The following NOL12 variants were observed in gnomAD, a reference collection of about 807,000 sequenced individuals.
NOL12 encodes the protein nucleolar protein 12.
A neutral mutation model predicts 25.2 loss-of-function variants in NOL12; 21 were observed. The ratio of observed to expected loss-of-function variants is 0.83; its 90% CI spans 0.59 to 1.20. NOL12 has a LOEUF of 1.20. Ranked by LOEUF, NOL12 falls within the 50% of genes most tolerant of loss-of-function variation. The pLI, the probability that NOL12 is intolerant of heterozygous loss-of-function variation, is 0.00. For missense variants in NOL12, 286 were observed against 287.6 expected, an observed-to-expected ratio of 0.99 and a Z score of 0.04; for synonymous variants, 133 against 113.8, an observed-to-expected ratio of 1.17 and a Z score of -1.08.
Position 37,686,496 on chromosome 22 carries a change from G to A in NOL12, c.83+21G>A, listed in dbSNP as rs372070722. The A allele has an allele frequency of 1.6e-5, 25 of 1,579,918 alleles. No individual in the cohort carries two copies. In the Middle Eastern group the frequency reaches 8.3e-4, roughly 53 times the overall value. On this transcript the variant is annotated intron_variant, in intron 1 of 5. Coordinates refer to ENST00000359114, the MANE Select transcript of NOL12 (RefSeq NM_024313.3). ...AGGCGGTGAGTGGCAAAGCCGGACC[G>A]GACTCCCCTCGAGCTGTTCTTCGCG... is the stretch of plus-strand genomic sequence containing the variant.
At chr22:37,687,754 G>A in intron 1 of NOL12, 156 bp from the exon 2 acceptor site, 1 of 563,754 alleles carries the variant, frequency 1.8e-6, no homozygotes, top group Non-Finnish European at 3.3e-6. Flanking sequence ...CACCATGCCT[G>A]GCCATTGTTG....
chr22:37,692,354 CA>C lies in NOL12; in HGVS notation c.*1027del, dbSNP rs1017044894. 3.6e-5 allele frequency: 14 copies of C among 387,000 alleles called. No homozygotes were observed. The highest frequency in any genetic ancestry group is 4.6e-5 in the Non-Finnish European group (10 of 219,656). 24.0% of individuals were successfully genotyped at this position (387,000 alleles called of 1,614,324 possible). Reference sequence around the variant, plus strand: ...CCTGGGCAACGTTGTGACCTTGTCTCAAAAAAAAACTAAAAAATAAAGCAGT... The same window carrying C: ...CCTGGGCAACGTTGTGACCTTGTCTCAAAAAAAACTAAAAAATAAAGCAGT... On this transcript the variant is annotated 3_prime_UTR_variant, in exon 6 of 6. Coordinates refer to ENST00000359114, the MANE Select transcript of NOL12 (RefSeq NM_024313.3).
At chr22:37,688,036 AG>A in intron 2 of NOL12, 21 bp downstream of exon 2, 1 of 744,702 alleles carries the variant, frequency 1.3e-6, no homozygotes, top group Admixed American at 2.2e-5. Context: ...GGAAGGTGGG[AG>A]GGAGGTCTTT....
rs1921898514 is a variant in NOL12, at chr22:37,688,000, G to A, written c.174G>A (p.Arg58=). Residue 58 remains arginine, a synonymous_variant, in exon 2 of 6, where the codon AGG becomes AGA. Transcript: ENST00000359114. ...AGCAGCGGCTGAAAGAGGAGCAGAG[G>A]AAGCTTCGGGAGGAGGTACGCAGGG... is the stretch of plus-strand genomic sequence containing the variant. The part of the protein sequence containing the change: ...EIKQRLKEEQ[R]KLREERHQEY... 2 of 1,556,532 alleles carry A rather than the reference G, an allele frequency of 1.3e-6. No homozygotes were observed. The highest frequency in any genetic ancestry group is 1.7e-6 in the Non-Finnish European group (2 of 1,147,418).
At chr22:37,687,878 C>A in intron 1 of NOL12, 32 bp from the exon 2 acceptor site, 2 of 1,508,194 alleles carry the variant, frequency 1.3e-6, no homozygotes, top group Non-Finnish European at 1.8e-6. Context: ...TGTATAATGA[C>A]TCTCCTGTCT....
At chr22:37,688,680 C>T (rs985749261) in intron 3 of NOL12, among the ~76,000 whole-genome samples, 170 bp from the exon 4 acceptor site, 11 of 152,134 alleles carry the variant, frequency 7.2e-5, no homozygotes, top group African/African-American at 9.7e-5. Flanking sequence ...ATGAAGGAAA[C>T]GGGATCATTC....
chr22:37,687,780 CTAATACT>C (rs1340598783), intron 1 of NOL12, 123 bp from the exon 2 acceptor site: 50 of 649,820 alleles, frequency 7.7e-5, no homozygotes, highest in Non-Finnish European at 1.2e-4. Flanking sequence ...GTTAAATGAG[CTAATACT>C]TACACTTTTT....
intron 1 of NOL12, 190 bp downstream of exon 1, chr22:37,686,665 C>G (rs1262951431): frequency 1.0e-6 from 1 of 985,326 alleles, no homozygotes; most frequent in Non-Finnish European, 1.2e-6. Context: ...CCCTTCTTGA[C>G]CTCCCCACCT....
chr22:37,686,646 C>T, intron 1 of NOL12, 171 bp downstream of exon 1: 1 of 985,396 alleles, frequency 1.0e-6, no homozygotes, highest in Non-Finnish European at 1.2e-6. Flanking sequence ...TTCTCGGCCG[C>T]CACCTTCTCC....
chr22:37,688,035 G>C lies in NOL12; in HGVS notation c.189+20G>C. ...GAGGAGGTACGCAGGGGGAAGGTGG[G>C]AGGGAGGTCTTTGATTCTTAGGGCA... On this transcript the variant is annotated intron_variant, in intron 2 of 5. Coordinates refer to ENST00000359114, the MANE Select transcript of NOL12 (RefSeq NM_024313.3). The C allele has an allele frequency of 6.8e-7, 1 of 1,468,878 alleles. No homozygotes were observed. Among genetic ancestry groups the C allele is most frequent in the Non-Finnish European group, 9.3e-7 (1 of 1,072,296 alleles). The allele number at this position is 1,468,878 out of a possible 1,614,324, so 91.0% of individuals were successfully genotyped here.
chr22:37,691,255 C>CA lies in NOL12; in HGVS notation c.566dup (p.Pro190AlafsTer56). ...AACATCCCCGACGGGCCCAGGACTC[C>CA]AAAAAGCCCCCAAGGGCCCCTCGTA... On this transcript the variant is annotated frameshift_variant, in exon 6 of 6. Coordinates refer to ENST00000359114, the MANE Select transcript of NOL12 (RefSeq NM_024313.3). LOFTEE classifies it high-confidence loss of function. 1 of 1,614,070 alleles carries CA rather than the reference C, an allele frequency of 6.2e-7. No homozygotes were observed. Among genetic ancestry groups the CA allele is most frequent in the Non-Finnish European group, 8.5e-7 (1 of 1,179,996 alleles).
intron 2 of NOL12, 94 bp downstream of exon 2, chr22:37,688,109 ATG>A: frequency 1.7e-6 from 2 of 1,203,468 alleles, no homozygotes; most frequent in Non-Finnish European, 2.4e-6. Context: ...GCATGGGGCG[ATG>A]TGTGTGTGGG....
intron 1 of NOL12, among the ~76,000 whole-genome samples, chr22:37,687,484 T>G (rs1163108322): frequency 1.3e-5 from 2 of 152,192 alleles, no homozygotes; most frequent in Admixed American, 6.5e-5. Context: ...GTTTTTGAGA[T>G]GGAGTCTGTG....
intron 4 of NOL12, among the ~76,000 whole-genome samples, 183 bp from the exon 5 acceptor site, chr22:37,690,514 C>T (rs1227402386): frequency 6.6e-6 from 1 of 152,176 alleles, no homozygotes; most frequent in Non-Finnish European, 1.5e-5. Context: ...CAGACCTTCC[C>T]CTGTGTAATC....
At chr22:37,688,797 A>G in intron 3 of NOL12, 53 bp from the exon 4 acceptor site, 1 of 1,605,406 alleles carries the variant, frequency 6.2e-7, no homozygotes, top group Non-Finnish European at 8.5e-7. Context: ...GGGAGGCTGG[A>G]GCCTGGTCAC....
At chr22:37,690,655 C>A (rs774654748) in intron 4 of NOL12, 42 bp from the exon 5 acceptor site, 36 of 1,487,638 alleles carry the variant, frequency 2.4e-5, no homozygotes, top group Non-Finnish European at 3.1e-5. Context: ...CAGGTCCCCC[C>A]AGCTACTGCT....
rs752018030 is a variant in NOL12, at chr22:37,688,975, G to T, written c.364G>T (p.Gly122Trp). ...DLDLSGARLL[G>W]LTPPEGGAGD... ...GGACCTCTCGGGGGCCCGGCTGCTC[G>T]GGCTGACCCCACCTGAGGTGGGTCC... Residue 122 changes from glycine (G) to tryptophan (W), a missense_variant, in exon 4 of 6, where the codon GGG (glycine) becomes TGG (tryptophan). Physicochemically the swap from Gly to Trp is radical, Grantham distance 184. Transcript: ENST00000359114. The T allele has an allele frequency of 5.6e-6, 9 of 1,612,488 alleles. No homozygotes were observed. Among genetic ancestry groups the T allele is most frequent in the Admixed American group, 1.7e-5 (1 of 59,998 alleles).
rs1166563541 is a variant in NOL12 at position 37,688,236 on chromosome 22, G to T, written c.190-76G>T. On this transcript the variant is annotated intron_variant, in intron 2 of 5. Transcript: ENST00000359114. ...TATGGATCATGGTCTCCCTCACCCT[G>T]GGGGTGATTAATACCCCAGCCTGAG... The T allele has an allele frequency of 5.1e-5, 75 of 1,467,090 alleles. No individual in the cohort carries two copies. The East Asian group carries it at 1.6e-3, about 31-fold the overall frequency. The allele number at this position is 1,467,090 out of a possible 1,614,324, so 90.9% of individuals were successfully genotyped here.
intron 4 of NOL12, among the ~76,000 whole-genome samples, chr22:37,690,485 G>A (rs892971947): frequency 6.6e-6 from 1 of 152,184 alleles, no homozygotes; most frequent in African/African-American, 2.4e-5. Flanking sequence ...GCTTCTAGGG[G>A]CAGGAAAGGG....
Sources: gnomAD v4.1 joint callset for allele counts (sites outside exome capture counted in the v4.1 genomes callset) on GRCh38, gnomAD v4.1.1 for gene constraint, MANE v1.5 for transcripts, NCBI Gene and HGNC (gene_info 2026-07-23, HGNC 2026-07-21) for gene names.